Variants in FLOT1 observed in about 807,000 individuals in gnomAD.
FLOT1 encodes flotillin 1, also known as flotillin-1.
Under a neutral mutation model 58.4 loss-of-function variants are expected in FLOT1, and 40 were observed. The observed-to-expected ratio is 0.69, with a 90% CI of 0.53 to 0.89. The LOEUF (loss-of-function observed/expected upper bound fraction) is 0.89, where lower values mean the gene tolerates loss of function less well. FLOT1 is among the 40% of genes least tolerant of loss of function. FLOT1 has a pLI of 0.00. For synonymous variants in FLOT1, 178 were observed against 204.2 expected (o/e 0.87, Z 1.09); for missense variants, 423 against 540.8 (o/e 0.78, Z 2.16).
At chr6:30,733,740 C>CAAAAAA (rs35048121) in intron 8 of FLOT1, among the ~76,000 whole-genome samples, 16 of 63,038 alleles carry the variant, frequency 2.5e-4, no homozygotes, top group South Asian at 5.7e-4. Flanking sequence ...AAATCCATCT[C>CAAAAAA]AAAAAAAAAA....
chr6:30,741,815 C>G lies in FLOT1; in HGVS notation c.96G>C (p.Leu32=), dbSNP rs1010013557. ...VMVAGGRVFV[L]PCIQQIQRIS... is the part of the protein sequence containing the mutation. Reference sequence around the variant, plus strand: ...ACCTCTGGATCTGTTGGATGCAGGGCAGGACAAAGACACGCCCTCCAGCCA... The same window carrying G: ...ACCTCTGGATCTGTTGGATGCAGGGGAGGACAAAGACACGCCCTCCAGCCA... The change falls in exon 3 of 13, where the codon CTG becomes CTC. Residue 32 remains leucine, a synonymous_variant. Coordinates refer to ENST00000376389, the MANE Select transcript of FLOT1 (RefSeq NM_005803.4). This position sits in a 1 kb window ranked among gnomAD's most constrained non-coding sequence, Gnocchi z 5.9. The G allele has an allele frequency of 5.6e-6, 9 of 1,612,966 alleles. No homozygotes were observed. The highest frequency in any genetic ancestry group is 5.9e-6 in the Non-Finnish European group (7 of 1,180,028).
intron 8 of FLOT1, chr6:30,736,235 G>A (rs1175570413): frequency 3.3e-5 from 5 of 152,080 alleles, no homozygotes; most frequent in African/African-American, 9.7e-5. Context: ...CTGGGGGACC[G>A]AGTAAGACCC....
rs1478235811 is a variant in FLOT1, at chr6:30,742,097, C to T, written c.43+50G>A. On this transcript the variant is annotated intron_variant, in intron 2 of 12. Transcript: ENST00000376389. The surrounding 1 kb of genome is among the most constrained non-coding windows in gnomAD (Gnocchi z 5.2). Reference sequence around the variant, plus strand: ...AGAGGGAGAAGGGGCAGAGGCCAGACTCACAGGGGTTCTGGGGTCACTGGC... The same window carrying T: ...AGAGGGAGAAGGGGCAGAGGCCAGATTCACAGGGGTTCTGGGGTCACTGGC... The T allele has an allele frequency of 5.0e-6, 8 of 1,584,736 alleles. No homozygotes were observed. Among genetic ancestry groups the T allele is most frequent in the Non-Finnish European group, 6.1e-6 (7 of 1,155,526 alleles).
At position 30,742,440 on chromosome 6, in the gene FLOT1, G is replaced by A. The variant is rs1038955061; in HGVS notation, c.-15+87C>T. 6.9e-6 allele frequency: 4 copies of A among 577,542 alleles called. No individual in the cohort carries two copies. The highest frequency in any genetic ancestry group is 1.2e-5 in the Non-Finnish European group (4 of 323,334). The allele number at this position is 577,542 out of a possible 1,614,324, so 35.8% of individuals were successfully genotyped here. Reference sequence around the variant, plus strand: ...CCCCTCGCCGCTCCCTTTGATAAAGGTCCCCCGCGCCCAGAGGCCTGCAGA... The same window carrying A: ...CCCCTCGCCGCTCCCTTTGATAAAGATCCCCCGCGCCCAGAGGCCTGCAGA... On this transcript the variant is annotated intron_variant, in intron 1 of 12. Coordinates refer to ENST00000376389, the MANE Select transcript of FLOT1 (RefSeq NM_005803.4). This position sits in a 1 kb window ranked among gnomAD's most constrained non-coding sequence, Gnocchi z 5.2.
At chr6:30,740,010 C>T (rs1777852461) in intron 8 of FLOT1, 148 bp downstream of exon 8, 3 of 740,610 alleles carry the variant, frequency 4.1e-6, no homozygotes, top group Admixed American at 2.9e-5. Flanking sequence ...TCTTTTAAAT[C>T]TCTCCTCATA....
In FLOT1 at chr6:30,729,077, A is replaced by ATT. The variant is rs774761881; in HGVS notation, c.1255-934_1255-933dup. Among the ~76,000 whole-genome samples, 149 of 125,700 alleles carry ATT rather than the reference A, an allele frequency of 1.2e-3. 1 individual carries two copies. The highest frequency in any genetic ancestry group is 5.5e-3 in the Middle Eastern group (1 of 182). The allele number at this position is 125,700 out of a possible 152,430, so 82.5% of individuals were successfully genotyped here. ...ACAGGCATGAGCTACCGCGCCTGGA[A>ATT]TTTTTTTTTTTTTTTGAGATAGAGT... On this transcript the variant is annotated intron_variant, in intron 12 of 12. Transcript: ENST00000376389.
intron 12 of FLOT1, among the ~76,000 whole-genome samples, chr6:30,728,410 A>G (rs1254584749): frequency 6.6e-6 from 1 of 152,048 alleles, no homozygotes; most frequent in Non-Finnish European, 1.5e-5. Context: ...AGGAGGCTCC[A>G]AGGAACCCAG....
rs1316664493 is a variant in FLOT1, at chr6:30,741,861, C to T, written c.50G>A (p.Cys17Tyr). 8 of 1,612,336 alleles carry T rather than the reference C, an allele frequency of 5.0e-6. No homozygotes were observed. Among genetic ancestry groups the T allele is most frequent in the Non-Finnish European group, 6.8e-6 (8 of 1,180,004 alleles). The change falls in exon 3 of 13, where the codon TGC becomes TAC. Residue 17 changes from cysteine (C) to tyrosine (Y), a missense_variant. This residue lies in a region of FLOT1 where 91 missense variants were observed against 118.3 expected (regional missense o/e 0.77). Transcript: ENST00000376389. This position sits in a 1 kb window ranked among gnomAD's most constrained non-coding sequence, Gnocchi z 5.9. Reference protein sequence around the residue: ...PNEAMVVSGFCRSPPVMVAGG... With the variant: ...PNEAMVVSGFYRSPPVMVAGG... ...AGCCACCATGACTGGGGGGCTTCGG[C>T]AGAACCCTGCAAGGTGTGGGGCAGT...
intron 8 of FLOT1, among the ~76,000 whole-genome samples, chr6:30,736,024 G>A (rs1439210210): frequency 1.3e-5 from 2 of 152,038 alleles, no homozygotes; most frequent in Non-Finnish European, 2.9e-5. Flanking sequence ...GCTGAGGCGG[G>A]AAGGATCCTT....
Position 30,730,021 on chromosome 6 carries a change from C to A in FLOT1, c.1254+1G>T. On this transcript the variant is annotated splice_donor_variant, in intron 12 of 12. Transcript: ENST00000376389. LOFTEE classifies it high-confidence loss of function. ...TCCTCAGCTCCAACCTGAGACCTCA[C>A]CTGGGAGATGCTCACGCCTGTGAGT... is the stretch of plus-strand genomic sequence containing the variant. The A allele has an allele frequency of 1.2e-6, 2 of 1,612,978 alleles. No individual in the cohort carries two copies. Among genetic ancestry groups the A allele is most frequent in the Non-Finnish European group, 1.7e-6 (2 of 1,179,978 alleles).
chr6:30,739,721 TAG>T (rs1335661035), intron 8 of FLOT1, among the ~76,000 whole-genome samples: 1 of 151,548 alleles, frequency 6.6e-6, no homozygotes, highest in African/African-American at 2.4e-5. Flanking sequence ...TGGAGTGCAG[TAG>T]TGTGATCTCG....
rs573842927 is a variant in FLOT1 at position 30,732,116 on chromosome 6, C to G, written c.724-1016G>C. On this transcript the variant is annotated intron_variant, in intron 8 of 12. Coordinates refer to ENST00000376389, the MANE Select transcript of FLOT1 (RefSeq NM_005803.4). ...AAGTAGCTGGGACTACAGGCATGTG[C>G]TACCATGTCTGGCTAATTTTTGTAT... Among the ~76,000 whole-genome samples the G allele has an allele frequency of 3.1e-4, 47 of 152,270 alleles. No individual in the cohort carries two copies. In the South Asian group the frequency reaches 3.1e-3, roughly 10 times the overall value.
intron 8 of FLOT1, 54 bp from the exon 9 acceptor site, chr6:30,731,154 G>C (rs977831315): frequency 1.3e-6 from 2 of 1,517,552 alleles, no homozygotes; most frequent in African/African-American, 2.8e-5. Context: ...TGAAGAGCAA[G>C]TGCCCGGGAA....
At chr6:30,732,413 G>A (rs972002339) in intron 8 of FLOT1, among the ~76,000 whole-genome samples, 2 of 151,802 alleles carry the variant, frequency 1.3e-5, no homozygotes, top group African/African-American at 4.8e-5. Flanking sequence ...GTTCAATGGC[G>A]TAATCATGGC....
At chr6:30,733,469 G>A (rs974379223) in intron 8 of FLOT1, among the ~76,000 whole-genome samples, 1 of 152,072 alleles carries the variant, frequency 6.6e-6, no homozygotes, top group Non-Finnish European at 1.5e-5. Context: ...GGCCAGTCAT[G>A]GTGGCTCATG....
chr6:30,738,426 G>C lies in FLOT1; in HGVS notation c.723+1732C>G, dbSNP rs111478964. On this transcript the variant is annotated intron_variant, in intron 8 of 12. Coordinates refer to ENST00000376389, the MANE Select transcript of FLOT1 (RefSeq NM_005803.4). ...ATAATATTGCTATCCTTTGGGTAAA[G>C]GTCTCAAAGTACAGTTGATTTTCAT... Among the ~76,000 whole-genome samples, 822 of 152,268 alleles carry C rather than the reference G, an allele frequency of 5.4e-3. 9 individuals are homozygous for C. The highest frequency in any genetic ancestry group is 0.018 in the African/African-American group (757 of 41,534).
chr6:30,742,087 A>G lies in FLOT1; in HGVS notation c.43+60T>C. The G allele has an allele frequency of 6.4e-7, 1 of 1,552,214 alleles. No individual in the cohort carries two copies. On this transcript the variant is annotated intron_variant, in intron 2 of 12. Transcript: ENST00000376389. This position sits in a 1 kb window ranked among gnomAD's most constrained non-coding sequence, Gnocchi z 5.2. ...GTTGGTAGGGAGAGGGAGAAGGGGC[A>G]GAGGCCAGACTCACAGGGGTTCTGG...
intron 8 of FLOT1, among the ~76,000 whole-genome samples, chr6:30,736,711 A>C (rs113903830): frequency 0.08 from 12,012 of 150,746 alleles, 934 homozygotes; most frequent in African/African-American, 0.2. Flanking sequence ...CTTCTGCCTC[A>C]GCCTCCCGAG....
chr6:30,737,246 G>GTCCGTCCATCCATCCATCCATCCATCCA lies in FLOT1; in HGVS notation c.723+2911_723+2912insTGGATGGATGGATGGATGGATGGACGGA, dbSNP rs1554208614. Reference sequence around the variant, plus strand: ...CGTCCGTCCGTCCGTCCGTCCGTCCGTCCATCCGTCCATCCATCCATCCAT... The same window carrying GTCCGTCCATCCATCCATCCATCCATCCA: ...CGTCCGTCCGTCCGTCCGTCCGTCCGTCCGTCCATCCATCCATCCATCCATCCATCCATCCGTCCATCCATCCATCCAT... On this transcript the variant is annotated intron_variant, in intron 8 of 12. Transcript: ENST00000376389. The surrounding 1 kb of genome is among the most constrained non-coding windows in gnomAD (Gnocchi z 4.4). Among the ~76,000 whole-genome samples the GTCCGTCCATCCATCCATCCATCCATCCA allele has an allele frequency of 1.4e-4, 20 of 145,398 alleles. No homozygotes were observed. Among genetic ancestry groups the GTCCGTCCATCCATCCATCCATCCATCCA allele is most frequent in the Admixed American group, 3.4e-4 (5 of 14,594 alleles).
Sources: allele counts gnomAD v4.1 joint callset (sites outside exome capture counted in the v4.1 genomes callset), GRCh38; gene constraint gnomAD v4.1.1; regional missense constraint gnomAD v4.1.1; non-coding constraint Gnocchi (gnomAD v3.1); transcripts MANE v1.5; gene names NCBI Gene and HGNC (gene_info 2026-07-23, HGNC 2026-07-21).